Variants in IMMP2L observed in about 807,000 individuals in gnomAD.
IMMP2L encodes mitochondrial inner membrane protease subunit 2.
Under a neutral mutation model 19.3 loss-of-function variants are expected in IMMP2L, and 18 were observed. That is an observed-to-expected ratio of 0.93 (90% CI 0.64 to 1.38). The LOEUF (loss-of-function observed/expected upper bound fraction) is 1.38. IMMP2L is among the 40% of genes most tolerant of loss of function. The pLI, the probability that IMMP2L is intolerant of heterozygous loss-of-function variation, is 0.00. For synonymous variants in IMMP2L, 76 were observed against 73.0 expected (o/e 1.04, Z -0.21); for missense variants, 233 against 218.2 (o/e 1.07, Z -0.43).
At chr7:110,931,658 C>A (rs941964979) in intron 4 of IMMP2L, among the ~76,000 whole-genome samples, 1 of 152,128 alleles carries the variant, frequency 6.6e-6, no homozygotes, top group Non-Finnish European at 1.5e-5. Flanking sequence ...TACAGAACCC[C>A]CACACTGGTG....
intron 5 of IMMP2L, among the ~76,000 whole-genome samples, chr7:110,678,302 G>C (rs1792467687): frequency 2.0e-5 from 3 of 151,982 alleles, no homozygotes; most frequent in Non-Finnish European, 4.4e-5. Context: ...GTCTCTGCTG[G>C]GGGTATTATG....
chr7:111,070,153 G>A (rs1028070952), intron 3 of IMMP2L, among the ~76,000 whole-genome samples: 15 of 152,074 alleles, frequency 9.9e-5, no homozygotes, highest in African/African-American at 3.1e-4. Flanking sequence ...TATGTAAAGC[G>A]TAAAGTATAA....
At chr7:111,181,710 C>T (rs1009332451) in intron 3 of IMMP2L, among the ~76,000 whole-genome samples, 1 of 152,028 alleles carries the variant, frequency 6.6e-6, no homozygotes, top group Non-Finnish European at 1.5e-5. Flanking sequence ...TGACCAGCAT[C>T]ATTTAATCTA....
At chr7:111,392,943 C>T (rs900814833) in intron 3 of IMMP2L, 15 of 421,122 alleles carry the variant, frequency 3.6e-5, no homozygotes, top group African/African-American at 1.2e-4. Flanking sequence ...TGGATGTGTT[C>T]GCCAATTATA....
At chr7:111,447,321 C>T (rs1352297151) in intron 3 of IMMP2L, among the ~76,000 whole-genome samples, 1 of 127,986 alleles carries the variant, frequency 7.8e-6, no homozygotes, top group East Asian at 2.1e-4. Context: ...GGTCGGATTA[C>T]CCTCAAAGGG....
intron 3 of IMMP2L, among the ~76,000 whole-genome samples, chr7:110,978,075 A>T (rs1434368237): frequency 6.6e-6 from 1 of 152,102 alleles, no homozygotes; most frequent in African/African-American, 2.4e-5. Context: ...CAAGAAATTC[A>T]GCAAATAATT....
chr7:111,484,706 C>T lies in IMMP2L; in HGVS notation c.239+2532G>A, dbSNP rs1311840495. ...ATATTATGAACTGCAATCAAACCAA[C>T]ATCAATCTTCTAAAATGAAGCAGTT... On this transcript the variant is annotated intron_variant, in intron 3 of 5. Coordinates refer to ENST00000405709, the MANE Select transcript of IMMP2L (RefSeq NM_032549.4). Among the ~76,000 whole-genome samples the T allele has an allele frequency of 5.3e-5, 8 of 152,230 alleles. No homozygotes were observed. In the Middle Eastern group the frequency reaches 0.01, roughly 194 times the overall value.
At chr7:111,203,733 T>C (rs1810409039) in intron 3 of IMMP2L, among the ~76,000 whole-genome samples, 1 of 151,896 alleles carries the variant, frequency 6.6e-6, no homozygotes, top group Non-Finnish European at 1.5e-5. Flanking sequence ...ATAGGTTTGA[T>C]ACAACAAATC....
intron 3 of IMMP2L, among the ~76,000 whole-genome samples, chr7:110,972,367 C>T (rs1820230020): frequency 6.6e-6 from 1 of 151,982 alleles, no homozygotes; most frequent in Non-Finnish European, 1.5e-5. Flanking sequence ...GATAGTTTGT[C>T]AATGCTTTAA....
intron 3 of IMMP2L, chr7:111,390,516 A>C (rs1473819273): frequency 6.6e-6 from 1 of 152,164 alleles, no homozygotes; most frequent in East Asian, 1.9e-4. Context: ...TTTCCTCAAA[A>C]GACAGGTATA....
In IMMP2L at chr7:111,354,592, A is replaced by G. The variant is rs576919123; in HGVS notation, c.239+132646T>C. 2.6e-5 allele frequency among the ~76,000 whole-genome samples: 4 copies of G among 151,944 alleles called. No individual in the cohort carries two copies. The East Asian group carries it at 5.8e-4, about 22-fold the overall frequency. On this transcript the variant is annotated intron_variant, in intron 3 of 5. Transcript: ENST00000405709. ...TTGAGATGTATAAGGCTTTAAAAAA[A>G]AAAGAAAGAAAATGTGTTATTTTGA...
At chr7:111,489,635 C>A (rs999447656) in intron 2 of IMMP2L, among the ~76,000 whole-genome samples, 2 of 152,136 alleles carry the variant, frequency 1.3e-5, no homozygotes, top group Non-Finnish European at 2.9e-5. Flanking sequence ...CAAGAGTTGA[C>A]AAATATGTCA....
At chr7:111,138,246 T>A (rs1186440819) in intron 3 of IMMP2L, among the ~76,000 whole-genome samples, 4 of 152,190 alleles carry the variant, frequency 2.6e-5, no homozygotes. Context: ...AATCTTGATG[T>A]TTTTGTTCCA....
intron 3 of IMMP2L, among the ~76,000 whole-genome samples, chr7:111,181,775 G>A (rs1164887605): frequency 6.6e-6 from 1 of 151,950 alleles, no homozygotes; most frequent in African/African-American, 2.4e-5. Context: ...TCAACGGCAT[G>A]ATAAAAGCTA....
At chr7:110,884,776 A>T (rs2129545353) in intron 5 of IMMP2L, among the ~76,000 whole-genome samples, 1 of 152,230 alleles carries the variant, frequency 6.6e-6, no homozygotes, top group Admixed American at 6.5e-5. Flanking sequence ...TATACCTTAC[A>T]AAAATTAGAT....
At chr7:111,114,066 TAGTC>T (rs916200385) in intron 3 of IMMP2L, among the ~76,000 whole-genome samples, 1 of 152,048 alleles carries the variant, frequency 6.6e-6, no homozygotes, top group African/African-American at 2.4e-5. Flanking sequence ...TGCATAAATT[TAGTC>T]AGTCACATTC....
chr7:111,351,204 TTTTTGAGACGGAGTCTTGC>T (rs1163120968), intron 3 of IMMP2L, among the ~76,000 whole-genome samples: 2 of 152,186 alleles, frequency 1.3e-5, no homozygotes, highest in Non-Finnish European at 2.9e-5. Context: ...TATTTATTTA[TTTTTGAGACGGAGTCTTGC>T]TCTGTCACCC....
At chr7:111,478,978 A>T (rs1346605550) in intron 3 of IMMP2L, among the ~76,000 whole-genome samples, 1 of 152,204 alleles carries the variant, frequency 6.6e-6, no homozygotes, top group Non-Finnish European at 1.5e-5. Flanking sequence ...TGGGTTTATC[A>T]AAGAATACAT....
intron 3 of IMMP2L, among the ~76,000 whole-genome samples, chr7:111,294,118 C>T (rs74899450): frequency 0.056 from 8,444 of 151,928 alleles, 321 homozygotes; most frequent in Middle Eastern, 0.1. Flanking sequence ...ATCATTTACC[C>T]TTACCATTTC....
Sources: gnomAD v4.1 joint callset for allele counts (sites outside exome capture counted in the v4.1 genomes callset) on GRCh38, gnomAD v4.1.1 for gene constraint, MANE v1.5 for transcripts, NCBI Gene and HGNC (gene_info 2026-07-23, HGNC 2026-07-21) for gene names.